Variants in PALLD observed in about 807,000 individuals in gnomAD.
The protein encoded by PALLD is palladin.
Under a neutral mutation model 123.5 loss-of-function variants are expected in PALLD, and 61 were observed. The ratio of observed to expected loss-of-function variants is 0.49; its 90% CI spans 0.40 to 0.61. The LOEUF (loss-of-function observed/expected upper bound fraction) is 0.61, where lower values mean the gene tolerates loss of function less well. Among genes scored for constraint, PALLD ranks in the 20% least tolerant of loss-of-function variants. The pLI, the probability that PALLD is intolerant of heterozygous loss-of-function variation, is 0.00. For synonymous variants in PALLD, 465 were observed against 496.4 expected (o/e 0.94, Z 0.84); for missense variants, 1,273 against 1,377.0 (o/e 0.92, Z 1.20).
chr4:168,764,819 C>T (rs922143841), intron 10 of PALLD, among the ~76,000 whole-genome samples: 4 of 152,078 alleles, frequency 2.6e-5, no homozygotes, highest in East Asian at 1.9e-4. Context: ...CTTTGGTTCC[C>T]GCACCTCTCT....
chr4:168,889,138 T>TTGTGTGTGTGTG (rs143065658), intron 10 of PALLD, among the ~76,000 whole-genome samples: 45,439 of 131,608 alleles, frequency 0.35, 9,264 homozygotes, highest in East Asian at 0.46. Context: ...TTGCTTTATT[T>TTGTGTGTGTGTG]TGTGTGTGTG....
chr4:168,595,720 C>A (rs963227188), intron 2 of PALLD, among the ~76,000 whole-genome samples: 7 of 152,018 alleles, frequency 4.6e-5, no homozygotes, highest in African/African-American at 1.7e-4. Flanking sequence ...CGTGAGAGTG[C>A]AGGACCTAAG....
In PALLD at chr4:168,913,949, G is replaced by A. The variant is rs780692056; in HGVS notation, c.2645G>A (p.Arg882Gln). The change falls in exon 16 of 22, where the codon CGG becomes CAG. Residue 882 changes from arginine to glutamine, a missense_variant. Arg to Gln is a conservative substitution (Grantham distance 43, BLOSUM62 1). Coordinates refer to ENST00000505667, the MANE Select transcript of PALLD (RefSeq NM_001166108.2). ...NPQGRISCTG[R>Q]LMVQAVNQRG... Reference sequence around the variant, plus strand: ...CAGGGCCGCATCAGTTGTACTGGACGGCTAATGGTACAGGCTGTCAACCAA... The same window carrying A: ...CAGGGCCGCATCAGTTGTACTGGACAGCTAATGGTACAGGCTGTCAACCAA... 44 of 1,612,286 alleles carry A rather than the reference G, an allele frequency of 2.7e-5. No homozygotes were observed. Among genetic ancestry groups the A allele is most frequent in the Middle Eastern group, 3.3e-4 (2 of 6,080 alleles).
chr4:168,546,049 T>G (rs1254705737), intron 2 of PALLD, among the ~76,000 whole-genome samples: 2 of 152,048 alleles, frequency 1.3e-5, no homozygotes, highest in South Asian at 4.1e-4. Context: ...GGAAAGAAAT[T>G]TAGGGGTAGC....
intron 4 of PALLD, 72 bp downstream of exon 4, chr4:168,681,470 T>C (rs1781539334): frequency 1.0e-6 from 1 of 981,884 alleles, no homozygotes; most frequent in South Asian, 1.3e-5. Flanking sequence ...TATGAAACCA[T>C]GTTTGCTGTG....
At chr4:168,731,108 G>A (rs536831485) in intron 10 of PALLD, among the ~76,000 whole-genome samples, 7 of 152,106 alleles carry the variant, frequency 4.6e-5, no homozygotes, top group East Asian at 1.9e-4. Context: ...TGCTGCTCAC[G>A]TTAGCATCCC....
At chr4:168,665,497 A>T (rs1417227167) in intron 2 of PALLD, among the ~76,000 whole-genome samples, 1 of 152,218 alleles carries the variant, frequency 6.6e-6, no homozygotes, top group East Asian at 1.9e-4. Context: ...CGGGAGGCGG[A>T]GCTTGCAGTG....
At chr4:168,875,202 GA>G (rs914437042) in intron 10 of PALLD, among the ~76,000 whole-genome samples, 2 of 147,782 alleles carry the variant, frequency 1.4e-5, no homozygotes, top group Admixed American at 6.7e-5. Flanking sequence ...AAAGACAGCA[GA>G]AAAAAAAACG....
chr4:168,622,348 G>C (rs1481425796), intron 2 of PALLD, among the ~76,000 whole-genome samples: 1 of 152,110 alleles, frequency 6.6e-6, no homozygotes, highest in Non-Finnish European at 1.5e-5. Flanking sequence ...CATCATTTTG[G>C]GATTTTTATG....
intron 2 of PALLD, among the ~76,000 whole-genome samples, chr4:168,585,328 G>C (rs1042221530): frequency 6.6e-6 from 1 of 151,744 alleles, no homozygotes; most frequent in African/African-American, 2.4e-5. Context: ...GTGTGTGTCC[G>C]TGTAGGAGAG....
intron 4 of PALLD, among the ~76,000 whole-genome samples, chr4:168,682,255 C>T (rs1319552635): frequency 6.6e-6 from 1 of 152,128 alleles, no homozygotes; most frequent in Non-Finnish European, 1.5e-5. Context: ...TGAGTCTGTT[C>T]TAATAAATTT....
chr4:168,815,586 C>T (rs1741783360), intron 10 of PALLD, among the ~76,000 whole-genome samples: 2 of 149,102 alleles, frequency 1.3e-5, no homozygotes, highest in Non-Finnish European at 3.0e-5. Flanking sequence ...TATGCAAAAT[C>T]GACTGAATGG....
chr4:168,848,937 A>C (rs1218813043), intron 10 of PALLD, among the ~76,000 whole-genome samples: 1 of 152,196 alleles, frequency 6.6e-6, no homozygotes, highest in African/African-American at 2.4e-5. Context: ...CCTAAAATGC[A>C]ACACGAGAGT....
At chr4:168,504,311 G>A (rs1232805295) in intron 1 of PALLD, among the ~76,000 whole-genome samples, 1 of 152,128 alleles carries the variant, frequency 6.6e-6, no homozygotes, top group Non-Finnish European at 1.5e-5. Context: ...AACAGTTGTG[G>A]TTGGCCAGGC....
chr4:168,719,252 C>CTA (rs1554071039), intron 10 of PALLD, among the ~76,000 whole-genome samples: 1 of 85,698 alleles, frequency 1.2e-5, no homozygotes, highest in Non-Finnish European at 2.1e-5. Flanking sequence ...AAGTAATCTT[C>CTA]TTTTTTTTTT....
rs1339215037 is a variant in PALLD, at chr4:168,511,541, T to G, written c.37T>G (p.Ser13Ala). 2.5e-6 allele frequency: 4 copies of G among 1,613,912 alleles called. No individual in the cohort carries two copies. The highest frequency in any genetic ancestry group is 3.4e-6 in the Non-Finnish European group (4 of 1,179,946). The change falls in exon 2 of 22, where the codon TCC (serine) becomes GCC (alanine). Residue 13 changes from serine to alanine, a missense_variant. This residue lies in a region of PALLD where 944 missense variants were observed against 954.5 expected (regional missense o/e 0.99). Coordinates refer to ENST00000505667, the MANE Select transcript of PALLD (RefSeq NM_001166108.2). ...CTCCTCCCATGAGTCCTTCTATGAC[T>G]CCCTCTCAGACATGCAGGAAGAAAG... is the stretch of plus-strand genomic sequence containing the variant. ...GTSSHESFYD[S>A]LSDMQEESKN...
chr4:168,625,269 G>A (rs1280530607), intron 2 of PALLD, among the ~76,000 whole-genome samples: 3 of 151,686 alleles, frequency 2.0e-5, no homozygotes, highest in Non-Finnish European at 4.4e-5. Context: ...GCTATACACA[G>A]GAATTTAATA....
intron 10 of PALLD, among the ~76,000 whole-genome samples, chr4:168,779,962 G>C (rs142070785): frequency 5.3e-4 from 80 of 150,658 alleles, no homozygotes; most frequent in African/African-American, 1.8e-3. Flanking sequence ...GCAGTGGCGT[G>C]ATCTCAGCTC....
chr4:168,848,386 G>C (rs1747222316), intron 10 of PALLD, among the ~76,000 whole-genome samples: 2 of 152,164 alleles, frequency 1.3e-5, no homozygotes, highest in South Asian at 4.1e-4. Context: ...GGCCTATTGA[G>C]CAAGAGCCAT....
Sources: gnomAD v4.1 joint callset for allele counts (sites outside exome capture counted in the v4.1 genomes callset) on GRCh38, gnomAD v4.1.1 for gene constraint, gnomAD v4.1.1 regional missense constraint, MANE v1.5 for transcripts, NCBI Gene and HGNC (gene_info 2026-07-23, HGNC 2026-07-21) for gene names.